The following DISC1 variants were observed in gnomAD, a reference collection of about 807,000 sequenced individuals.
The protein encoded by DISC1 is DISC1 scaffold protein.
Under a neutral mutation model 84.5 loss-of-function variants are expected in DISC1, and 57 were observed. The ratio of observed to expected loss-of-function variants is 0.67; its 90% CI spans 0.55 to 0.84. The LOEUF (loss-of-function observed/expected upper bound fraction) is 0.84, where lower values mean the gene tolerates loss of function less well. Ranked by LOEUF, DISC1 falls within the 40% of genes least tolerant of loss-of-function variation. The probability of loss-of-function intolerance (pLI) is 0.00; values close to 1 mark genes in which losing one functional copy is unlikely to be tolerated. For synonymous variants in DISC1, 411 were observed against 415.2 expected (o/e 0.99, Z 0.12); for missense variants, 1,000 against 1,057.8 (o/e 0.95, Z 0.76).
chr1:231,918,870 A>G (rs1340521241), intron 9 of DISC1, among the ~76,000 whole-genome samples: 1 of 152,202 alleles, frequency 6.6e-6, no homozygotes, highest in Admixed American at 6.5e-5. Flanking sequence ...CGGAAACCAC[A>G]GTTGCAAATA....
chr1:231,767,038 A>C, intron 4 of DISC1, 102 bp from the exon 5 acceptor site: 1 of 1,505,078 alleles, frequency 6.6e-7, no homozygotes. Context: ...GTATGAGAAC[A>C]GATGGGGGCC....
chr1:232,035,144 G>A (rs1670397694), intron 12 of DISC1, among the ~76,000 whole-genome samples: 1 of 152,158 alleles, frequency 6.6e-6, no homozygotes, highest in South Asian at 2.1e-4. Flanking sequence ...ATCCTCTGGA[G>A]TTCCTTGTTC....
At chr1:231,956,349 G>A (rs1054013868) in intron 9 of DISC1, among the ~76,000 whole-genome samples, 3 of 152,138 alleles carry the variant, frequency 2.0e-5, no homozygotes, top group Non-Finnish European at 2.9e-5. Flanking sequence ...CCTTTCTCTT[G>A]TTAACCTGTC....
At chr1:231,895,617 G>C (rs1302669805) in intron 9 of DISC1, among the ~76,000 whole-genome samples, 1 of 99,906 alleles carries the variant, frequency 1.0e-5, no homozygotes, top group Non-Finnish European at 2.2e-5. Context: ...CTTTACCACT[G>C]TGCTAGATTT....
At chr1:231,699,992 T>C (rs1218682323) in intron 2 of DISC1, among the ~76,000 whole-genome samples, 1 of 152,214 alleles carries the variant, frequency 6.6e-6, no homozygotes, top group African/African-American at 2.4e-5. Flanking sequence ...TCTGTGGGAA[T>C]ATTTTTCTCC....
At position 231,767,937 on chromosome 1, in the gene DISC1, CTG is replaced by C. The variant is rs1262047292; in HGVS notation, c.1398+671_1398+672del. Among the ~76,000 whole-genome samples, 6 of 152,332 alleles carry C rather than the reference CTG, an allele frequency of 3.9e-5. No homozygotes were observed. The East Asian group carries it at 5.8e-4, about 15-fold the overall frequency. On this transcript the variant is annotated intron_variant, in intron 5 of 12. Coordinates refer to ENST00000439617, the MANE Select transcript of DISC1 (RefSeq NM_018662.3). ...TTATGGAAATTCCTATCATGGTAGA[CTG>C]TGAGCTGCAGTTGTTAAGAGACAGA...
At chr1:232,020,085 T>A (rs1022330359) in intron 11 of DISC1, among the ~76,000 whole-genome samples, 1 of 152,256 alleles carries the variant, frequency 6.6e-6, no homozygotes, top group Non-Finnish European at 1.5e-5. Flanking sequence ...CTCACACCTG[T>A]AATCCCAGCA....
At chr1:231,992,008 G>A (rs1436635822) in intron 10 of DISC1, among the ~76,000 whole-genome samples, 1 of 152,102 alleles carries the variant, frequency 6.6e-6, no homozygotes, top group Admixed American at 6.6e-5. Context: ...AATAAGTGTG[G>A]CTGATTCCAA....
chr1:231,821,282 G>A (rs1417142002), intron 9 of DISC1, among the ~76,000 whole-genome samples: 1 of 152,200 alleles, frequency 6.6e-6, no homozygotes, highest in Non-Finnish European at 1.5e-5. Context: ...TGAGGGTAGT[G>A]ATAAGTTTGT....
chr1:231,753,449 A>T (rs984720142), intron 4 of DISC1, among the ~76,000 whole-genome samples: 1 of 152,202 alleles, frequency 6.6e-6, no homozygotes, highest in African/African-American at 2.4e-5. Context: ...GGAAAAACTG[A>T]CAGCAGTGTG....
chr1:232,001,373 C>T (rs1436999269), intron 10 of DISC1, among the ~76,000 whole-genome samples: 2 of 151,258 alleles, frequency 1.3e-5, no homozygotes, highest in East Asian at 3.9e-4. Context: ...GCCACCACAC[C>T]AGGCAATAAT....
chr1:231,765,019 G>A (rs1230491654), intron 4 of DISC1, among the ~76,000 whole-genome samples: 3 of 151,998 alleles, frequency 2.0e-5, no homozygotes, highest in East Asian at 1.9e-4. Context: ...GTGAAACCCC[G>A]TCTCTACTAA....
chr1:231,673,123 TC>T (rs1182100421), intron 1 of DISC1, among the ~76,000 whole-genome samples: 1 of 152,208 alleles, frequency 6.6e-6, no homozygotes, highest in African/African-American at 2.4e-5. Flanking sequence ...TTCTGTGCCT[TC>T]CTTTGCCACT....
rs779607667 is a variant in DISC1 at position 231,770,957 on chromosome 1, G to A, written c.1521G>A (p.Leu507=). ...GGCAGGGCTGCGACCTGACCCCACT[G>A]GTGGGCCAGCTGTCCCTGGGTCAGC... ...LQWQGCDLTP[L]VGQLSLGQLQ... Residue 507 remains leucine (L), a synonymous_variant, in exon 6 of 13, where the codon CTG becomes CTA. Coordinates refer to ENST00000439617, the MANE Select transcript of DISC1 (RefSeq NM_018662.3). The A allele has an allele frequency of 6.2e-7, 1 of 1,614,048 alleles. No individual in the cohort carries two copies. Among genetic ancestry groups the A allele is most frequent in the Non-Finnish European group, 8.5e-7 (1 of 1,179,980 alleles).
At chr1:231,741,848 A>T (rs1558461574) in intron 3 of DISC1, among the ~76,000 whole-genome samples, 1 of 152,140 alleles carries the variant, frequency 6.6e-6, no homozygotes, top group Non-Finnish European at 1.5e-5. Flanking sequence ...CTCAAATCCG[A>T]CCACTTTTCA....
intron 9 of DISC1, among the ~76,000 whole-genome samples, chr1:231,866,318 T>G (rs551932599): frequency 6.6e-6 from 1 of 152,284 alleles, no homozygotes; most frequent in South Asian, 2.1e-4. Context: ...GCAGTTCACT[T>G]TGCTCCTTTG....
intron 7 of DISC1, among the ~76,000 whole-genome samples, chr1:231,798,713 T>C (rs888330037): frequency 6.6e-5 from 10 of 152,194 alleles, no homozygotes; most frequent in African/African-American, 2.2e-4. Flanking sequence ...GACATGCGGA[T>C]GCCCAACATC....
rs1176436351 is a variant in DISC1 at position 231,645,690 on chromosome 1, G to A, written c.67+18756G>A. Among the ~76,000 whole-genome samples the A allele has an allele frequency of 2.0e-5, 3 of 151,830 alleles. No homozygotes were observed. The South Asian group carries it at 6.2e-4, about 32-fold the overall frequency. On this transcript the variant is annotated intron_variant, in intron 1 of 12. Transcript: ENST00000439617. Reference sequence around the variant, plus strand: ...CCCGCACCCCACGACAGGCCCCAGTGTGCGATGTTCCCTGTCCTGTGTCCA... The same window carrying A: ...CCCGCACCCCACGACAGGCCCCAGTATGCGATGTTCCCTGTCCTGTGTCCA...
intron 9 of DISC1, among the ~76,000 whole-genome samples, chr1:231,851,690 T>A (rs2083908449): frequency 6.6e-6 from 1 of 152,072 alleles, no homozygotes. Context: ...ATCTCACATG[T>A]AAGGGCCATG....
Sources: gnomAD v4.1 joint callset for allele counts (sites outside exome capture counted in the v4.1 genomes callset) on GRCh38, gnomAD v4.1.1 for gene constraint, MANE v1.5 for transcripts, NCBI Gene and HGNC (gene_info 2026-07-23, HGNC 2026-07-21) for gene names.